The following PLCH1 variants were observed in gnomAD, a reference collection of about 807,000 sequenced individuals.
PLCH1 encodes the protein phospholipase C eta 1, also known as 1-phosphatidylinositol 4,5-bisphosphate phosphodiesterase eta-1.
Under a neutral mutation model 126.7 loss-of-function variants are expected in PLCH1, and 60 were observed. The observed-to-expected ratio is 0.47, with a 90% CI of 0.38 to 0.59. The LOEUF (loss-of-function observed/expected upper bound fraction) is 0.59, where lower values mean the gene tolerates loss of function less well. Ranked by LOEUF, PLCH1 falls within the 20% of genes least tolerant of loss-of-function variation. The pLI is 0.00. For missense variants in PLCH1, 1,723 were observed against 2,040.0 expected (o/e 0.84, Z 2.99); for synonymous variants, 719 against 734.9 (o/e 0.98, Z 0.35).
intron 5 of PLCH1, among the ~76,000 whole-genome samples, chr3:155,584,102 C>T (rs923257562): frequency 9.9e-5 from 15 of 151,284 alleles, no homozygotes; most frequent in African/African-American, 2.4e-4. Context: ...CAAAATTAAG[C>T]GAGGAAAATA....
chr3:155,615,091 A>G (rs1278940289), intron 2 of PLCH1, among the ~76,000 whole-genome samples: 2 of 152,190 alleles, frequency 1.3e-5, no homozygotes, highest in Non-Finnish European at 2.9e-5. Flanking sequence ...TCAGCAAGAA[A>G]AAAACAAAAA....
chr3:155,521,741 A>G (rs1214536771), intron 11 of PLCH1, among the ~76,000 whole-genome samples: 2 of 152,236 alleles, frequency 1.3e-5, no homozygotes, highest in South Asian at 2.1e-4. Flanking sequence ...TAAACACGGC[A>G]TTGCCTTTTC....
intron 12 of PLCH1, among the ~76,000 whole-genome samples, chr3:155,510,824 AT>A (rs1719345994): frequency 1.0e-5 from 1 of 95,306 alleles, no homozygotes; most frequent in African/African-American, 6.1e-5. Flanking sequence ...GAATCTGACA[AT>A]TATGTGTCTT....
At chr3:155,646,091 A>G (rs1411712581) in intron 2 of PLCH1, among the ~76,000 whole-genome samples, 1 of 152,152 alleles carries the variant, frequency 6.6e-6, no homozygotes, top group Admixed American at 6.5e-5. Flanking sequence ...GTTGGTTTGC[A>G]TGTGAAAGGT....
chr3:155,477,438 A>G (rs1463016229), downstream of PLCH1, among the ~76,000 whole-genome samples: 2 of 152,110 alleles, frequency 1.3e-5, no homozygotes, highest in African/African-American at 2.4e-5. Flanking sequence ...CAAAGGAAAC[A>G]ATGAACAAAG....
intron 2 of PLCH1, among the ~76,000 whole-genome samples, chr3:155,630,874 T>C (rs531426350): frequency 1.2e-4 from 19 of 152,314 alleles, no homozygotes; most frequent in Admixed American, 1.1e-3. Flanking sequence ...ATATCCTATG[T>C]ACCCAAAAGG....
chr3:155,584,696 T>C (rs998068730), intron 5 of PLCH1, among the ~76,000 whole-genome samples: 5 of 152,250 alleles, frequency 3.3e-5, no homozygotes, highest in Non-Finnish European at 7.3e-5. Flanking sequence ...AACTGTTATA[T>C]GGTATTAAAC....
intron 11 of PLCH1, among the ~76,000 whole-genome samples, chr3:155,520,141 G>T (rs553018441): frequency 1.1e-4 from 17 of 152,342 alleles, no homozygotes; most frequent in Admixed American, 9.8e-4. Context: ...CTTGTCGCCA[G>T]GATGTACTAG....
chr3:155,592,174 T>TAAA (rs11329108), intron 4 of PLCH1, among the ~76,000 whole-genome samples: 1 of 129,306 alleles, frequency 7.7e-6, no homozygotes. Context: ...TTTTCTCTTT[T>TAAA]AAAAAAAAAA....
At chr3:155,631,717 A>G (rs1738043991) in intron 2 of PLCH1, among the ~76,000 whole-genome samples, 1 of 152,230 alleles carries the variant, frequency 6.6e-6, no homozygotes, top group South Asian at 2.1e-4. Context: ...CTGAAAAATG[A>G]AAAAGCAACA....
At chr3:155,631,040 TA>T (rs1427667919) in intron 2 of PLCH1, among the ~76,000 whole-genome samples, 1 of 152,200 alleles carries the variant, frequency 6.6e-6, no homozygotes, top group Non-Finnish European at 1.5e-5. Context: ...TTATTATTCT[TA>T]AAAGTTGTTT....
chr3:155,583,428 T>C (rs1379223277), intron 6 of PLCH1, 44 bp downstream of exon 6: 17 of 1,439,354 alleles, frequency 1.2e-5, no homozygotes, highest in Non-Finnish European at 1.6e-5. Flanking sequence ...ATATCTTTCA[T>C]GAGTACTTTT....
chr3:155,576,516 A>G (rs766251044), intron 6 of PLCH1, among the ~76,000 whole-genome samples: 25 of 152,224 alleles, frequency 1.6e-4, no homozygotes, highest in Admixed American at 4.6e-4. Context: ...GCTTCAGTAA[A>G]ATAAAAATCT....
downstream of PLCH1, among the ~76,000 whole-genome samples, chr3:155,475,635 C>A (rs957678562): frequency 2.6e-5 from 4 of 151,974 alleles, no homozygotes; most frequent in Non-Finnish European, 5.9e-5. Context: ...AGAGACATTA[C>A]AACTGATATT....
At chr3:155,664,253 C>T (rs1742487367) in intron 2 of PLCH1, among the ~76,000 whole-genome samples, 1 of 152,176 alleles carries the variant, frequency 6.6e-6, no homozygotes, top group South Asian at 2.1e-4. Context: ...CTCATCCACC[C>T]TAGTGGAAAA....
chr3:155,453,738 T>G (rs1712370391), intron 21 of PLCH1, among the ~76,000 whole-genome samples: 1 of 151,552 alleles, frequency 6.6e-6, no homozygotes, highest in Non-Finnish European at 1.5e-5. Context: ...AATTAATAAT[T>G]TCTGATTAAT....
chr3:155,743,561 C>G (rs1189829490), intron 1 of PLCH1: 1 of 453,884 alleles, frequency 2.2e-6, no homozygotes, highest in Non-Finnish European at 4.4e-6. Flanking sequence ...AGAAAATGAC[C>G]AGCTTGAGAA....
chr3:155,676,217 T>C (rs750750269), intron 2 of PLCH1: 2 of 1,276,332 alleles, frequency 1.6e-6, no homozygotes, highest in Non-Finnish European at 2.0e-6. Context: ...TCTTCACAAT[T>C]CAGGCTTTAT....
At chr3:155,599,445 A>T (rs1313184754) in intron 2 of PLCH1, among the ~76,000 whole-genome samples, 1 of 152,184 alleles carries the variant, frequency 6.6e-6, no homozygotes, top group East Asian at 1.9e-4. Flanking sequence ...AGTGACTCAA[A>T]AGGGAATTGA....
Sources: allele counts gnomAD v4.1 joint callset (sites outside exome capture counted in the v4.1 genomes callset), GRCh38; gene constraint gnomAD v4.1.1; transcripts MANE v1.5; gene names NCBI Gene and HGNC (gene_info 2026-07-23, HGNC 2026-07-21).